The following MACROD2 variants were observed in gnomAD, a reference collection of about 807,000 sequenced individuals.
MACROD2 encodes ADP-ribose glycohydrolase MACROD2.
Under a neutral mutation model 70.4 loss-of-function variants are expected in MACROD2, and 36 were observed. That is an observed-to-expected ratio of 0.51 (90% CI 0.39 to 0.68). The LOEUF (loss-of-function observed/expected upper bound fraction) is 0.68, where lower values mean the gene tolerates loss of function less well. MACROD2 is among the 30% of genes least tolerant of loss of function. MACROD2 has a pLI of 0.00. For missense variants in MACROD2, 496 were observed against 538.4 expected (o/e 0.92, Z 0.78); for synonymous variants, 172 against 178.8 (o/e 0.96, Z 0.30).
intron 8 of MACROD2, among the ~76,000 whole-genome samples, chr20:15,814,323 G>C (rs560736705): frequency 3.0e-4 from 46 of 152,290 alleles, no homozygotes; most frequent in African/African-American, 1.1e-3. Context: ...CCAGTGACAA[G>C]AAATTAACAT....
chr20:15,000,629 CAAAAAAAAAAAAAAAAAA>C (rs398040701), intron 5 of MACROD2, among the ~76,000 whole-genome samples: 8 of 21,980 alleles, frequency 3.6e-4, no homozygotes, highest in South Asian at 4.6e-3. Flanking sequence ...GACTCCGTCT[CAAAAAAAAAAAAAAAAAA>C]AAAAAAAAAA....
At chr20:15,839,427 G>C (rs1452737832) in intron 8 of MACROD2, among the ~76,000 whole-genome samples, 1 of 152,150 alleles carries the variant, frequency 6.6e-6, no homozygotes, top group Admixed American at 6.6e-5. Flanking sequence ...AAAGGTGACG[G>C]AAGTGAGGCT....
At position 14,190,711 on chromosome 20, in the gene MACROD2, T is replaced by A. The variant is rs1337866427; in HGVS notation, c.271+104983T>A. 4.5e-3 allele frequency among the ~76,000 whole-genome samples: 458 copies of A among 100,822 alleles called. 1 individual carries two copies. Among genetic ancestry groups the A allele is most frequent in the African/African-American group, 8.4e-3 (199 of 23,826 alleles). The allele number at this position is 100,822 out of a possible 152,430, so 66.1% of individuals were successfully genotyped here. On this transcript the variant is annotated intron_variant, in intron 3 of 17. Coordinates refer to ENST00000684519, the MANE Select transcript of MACROD2 (RefSeq NM_001351661.2). ...ATATATATATATATTTTTTTTTTTT[T>A]TTTTTTTTTTTTTTTTTCCAGAGTC...
chr20:14,153,250 A>G lies in MACROD2; in HGVS notation c.271+67522A>G, dbSNP rs79172710. ...GGTGTGATTGCTTGAAAAGAAAACA[A>G]TCTTTTCGAGTGAGAAATAAAAACA... On this transcript the variant is annotated intron_variant, in intron 3 of 17. Transcript: ENST00000684519. Among the ~76,000 whole-genome samples the G allele has an allele frequency of 6.1e-4, 93 of 152,320 alleles. 2 individuals are homozygous for G. The East Asian group carries it at 9.6e-3, about 16-fold the overall frequency.
intron 5 of MACROD2, among the ~76,000 whole-genome samples, chr20:15,162,879 T>G (rs1237766587): frequency 3.3e-5 from 5 of 152,072 alleles, no homozygotes; most frequent in Non-Finnish European, 7.4e-5. Flanking sequence ...CAAGAAAGCT[T>G]GGTGATAACA....
intron 5 of MACROD2, among the ~76,000 whole-genome samples, chr20:14,738,689 A>G (rs2071697620): frequency 6.6e-6 from 1 of 151,776 alleles, no homozygotes; most frequent in African/African-American, 2.4e-5. Context: ...ATGTATATGT[A>G]TATATTAACA....
chr20:14,417,497 A>G (rs909770737), intron 3 of MACROD2, among the ~76,000 whole-genome samples: 21 of 152,174 alleles, frequency 1.4e-4, no homozygotes, highest in African/African-American at 5.1e-4. Context: ...TCTCATTACC[A>G]GTCTTTCCTA....
chr20:15,537,467 CTTTTTTTTTTT>C (rs35857138), intron 8 of MACROD2, among the ~76,000 whole-genome samples: 1 of 89,930 alleles, frequency 1.1e-5, no homozygotes, highest in Non-Finnish European at 2.0e-5. Flanking sequence ...TCCCACTCAT[CTTTTTTTTTTT>C]TTTTTTTTTT....
At chr20:14,306,610 G>A (rs1462213756) in intron 3 of MACROD2, among the ~76,000 whole-genome samples, 1 of 151,980 alleles carries the variant, frequency 6.6e-6, no homozygotes, top group Non-Finnish European at 1.5e-5. Flanking sequence ...GATATTTAGG[G>A]GGTCTTCAAG....
intron 8 of MACROD2, among the ~76,000 whole-genome samples, chr20:15,656,028 T>G (rs1370940157): frequency 6.6e-6 from 1 of 152,160 alleles, no homozygotes; most frequent in Non-Finnish European, 1.5e-5. Flanking sequence ...CATCTCCATT[T>G]CTCCAGTGAT....
chr20:14,978,863 A>AT (rs1362605210), intron 5 of MACROD2, among the ~76,000 whole-genome samples: 4 of 131,214 alleles, frequency 3.0e-5, no homozygotes, highest in Middle Eastern at 3.7e-3. Context: ...ATATATATAT[A>AT]ATATATTATA....
intron 5 of MACROD2, among the ~76,000 whole-genome samples, chr20:15,034,678 TAAAAA>T (rs1347499508): frequency 6.6e-6 from 1 of 152,176 alleles, no homozygotes; most frequent in African/African-American, 2.4e-5. Context: ...TATTTTGAGT[TAAAAA>T]AATAAATACT....
chr20:14,918,613 T>C (rs999656546), intron 5 of MACROD2, among the ~76,000 whole-genome samples: 1 of 146,860 alleles, frequency 6.8e-6, no homozygotes, highest in Non-Finnish European at 1.5e-5. Flanking sequence ...ACTGTGTTTT[T>C]TTTGTTTTTT....
chr20:15,665,163 G>C (rs1314255124), intron 8 of MACROD2, among the ~76,000 whole-genome samples: 1 of 152,146 alleles, frequency 6.6e-6, no homozygotes, highest in African/African-American at 2.4e-5. Flanking sequence ...TGTCTGTTTT[G>C]CTTCTAAATG....
rs114559290 is a variant in MACROD2, at chr20:15,901,324, T to A, written c.775+15513T>A. Among the ~76,000 whole-genome samples, 801 of 152,284 alleles carry A rather than the reference T, an allele frequency of 5.3e-3. 9 individuals are homozygous for A. The highest frequency in any genetic ancestry group is 0.018 in the African/African-American group (746 of 41,560). ...AGAAGGTCCACCATTTACAATGGTT[T>A]GATTTAGGATTTTTTGACTTGATGG... is the stretch of plus-strand genomic sequence containing the variant. On this transcript the variant is annotated intron_variant, in intron 10 of 17. Transcript: ENST00000684519.
chr20:15,145,119 C>G (rs1315784483), intron 5 of MACROD2, among the ~76,000 whole-genome samples: 1 of 151,914 alleles, frequency 6.6e-6, no homozygotes, highest in East Asian at 1.9e-4. Flanking sequence ...GAAAACATAC[C>G]CCGGGGTGAA....
rs114343139 is a variant in MACROD2 at position 15,562,574 on chromosome 20, A to C, written c.645+62727A>C. Among the ~76,000 whole-genome samples, 453 of 152,340 alleles carry C rather than the reference A, an allele frequency of 3.0e-3. 4 individuals are homozygous for C. Among genetic ancestry groups the C allele is most frequent in the African/African-American group, 9.3e-3 (388 of 41,580 alleles). On this transcript the variant is annotated intron_variant, in intron 8 of 17. Transcript: ENST00000684519. ...GTGTGTTACAGGCTTGTTGGAGTTC[A>C]TCACTTTACTTTCTGTACATAAAGG...
intron 8 of MACROD2, among the ~76,000 whole-genome samples, chr20:15,787,086 C>G (rs576286038): frequency 2.0e-5 from 3 of 152,162 alleles, no homozygotes; most frequent in Non-Finnish European, 2.9e-5. Flanking sequence ...ATTCTCCTGC[C>G]TCAGCCTCTC....
intron 3 of MACROD2, among the ~76,000 whole-genome samples, chr20:14,259,720 G>A (rs2122306357): frequency 6.6e-6 from 1 of 152,146 alleles, no homozygotes; most frequent in African/African-American, 2.4e-5. Flanking sequence ...AGTTATTTAT[G>A]GTGTGATAAG....
Sources: allele counts gnomAD v4.1 joint callset (sites outside exome capture counted in the v4.1 genomes callset), GRCh38; gene constraint gnomAD v4.1.1; transcripts MANE v1.5; gene names NCBI Gene and HGNC (gene_info 2026-07-23, HGNC 2026-07-21).